Variants in CD2AP observed in about 807,000 individuals in gnomAD.
CD2AP encodes the protein CD2 associated protein.
A neutral mutation model predicts 85.1 loss-of-function variants in CD2AP; 46 were observed. That is an observed-to-expected ratio of 0.54 (90% CI 0.43 to 0.69). The LOEUF (loss-of-function observed/expected upper bound fraction) is 0.69, where lower values mean the gene tolerates loss of function less well. Among genes scored for constraint, CD2AP ranks in the 30% least tolerant of loss-of-function variants. The pLI is 0.00. For synonymous variants in CD2AP, 255 were observed against 252.9 expected (o/e 1.01, Z -0.08); for missense variants, 769 against 729.5 (o/e 1.05, Z -0.62).
chr6:47,532,376 TACACACACACACACACACACACAC>T (rs10522555), intron 2 of CD2AP, among the ~76,000 whole-genome samples: 62 of 142,036 alleles, frequency 4.4e-4, no homozygotes, highest in South Asian at 3.9e-3. Context: ...TATATATGTA[TACACACACACACACACACACACAC>T]ACACACACAC....
intron 5 of CD2AP, chr6:47,562,915 G>T (rs1767899773): frequency 1.5e-6 from 1 of 653,362 alleles, no homozygotes; most frequent in Non-Finnish European, 2.8e-6. Context: ...GACAGAGAGA[G>T]AAAACCCTAT....
At chr6:47,595,025 A>G (rs542650192) in intron 11 of CD2AP, among the ~76,000 whole-genome samples, 1 of 152,090 alleles carries the variant, frequency 6.6e-6, no homozygotes, top group African/African-American at 2.4e-5. Flanking sequence ...TTATTTTTGT[A>G]TATACGTCTT....
intron 5 of CD2AP, 45 bp downstream of exon 5, chr6:47,554,811 T>A: frequency 1.3e-6 from 2 of 1,491,988 alleles, no homozygotes; most frequent in Non-Finnish European, 1.8e-6. Context: ...ATAAACTTTA[T>A]ATAGCATCTA....
intron 17 of CD2AP, among the ~76,000 whole-genome samples, chr6:47,619,866 T>G (rs79191791): frequency 6.6e-6 from 1 of 152,258 alleles, no homozygotes; most frequent in Non-Finnish European, 1.5e-5. Context: ...TTTGCACATC[T>G]TCTTTTGAGG....
intron 7 of CD2AP, 148 bp from the exon 8 acceptor site, chr6:47,576,861 G>T: frequency 1.5e-6 from 1 of 653,612 alleles, no homozygotes; most frequent in East Asian, 2.7e-5. Context: ...TTAACATACG[G>T]TATTGACTAT....
rs1309453680 is a variant in CD2AP, at chr6:47,624,621, T to C, written c.*394T>C. On this transcript the variant is annotated 3_prime_UTR_variant, in exon 18 of 18. Transcript: ENST00000359314. ...AGATATACTATTTGAGAGGGACAGA[T>C]TAGCCTTTTAGTAACTATAGTCACT... 1 of 192,856 alleles carries C rather than the reference T, an allele frequency of 5.2e-6. No individual in the cohort carries two copies. The highest frequency in any genetic ancestry group is 2.4e-5 in the African/African-American group (1 of 41,798). The allele number at this position is 192,856 out of a possible 1,614,324, so 11.9% of individuals were successfully genotyped here.
Position 47,571,750 on chromosome 6 carries a change from G to T in CD2AP, c.542-2314G>T, listed in dbSNP as rs75556993. Reference sequence around the variant, plus strand: ...TTCTGGTATGCTTATACAAGGCCAAGAATTGAGTTCTTTCTCTCTAGATTT... The same window carrying T: ...TTCTGGTATGCTTATACAAGGCCAATAATTGAGTTCTTTCTCTCTAGATTT... On this transcript the variant is annotated intron_variant, in intron 5 of 17. Transcript: ENST00000359314. Among the ~76,000 whole-genome samples the T allele has an allele frequency of 4.3e-3, 655 of 152,246 alleles. 7 individuals carry two copies. The highest frequency in any genetic ancestry group is 0.015 in the African/African-American group (610 of 41,554).
intron 16 of CD2AP, 28 bp downstream of exon 16, chr6:47,609,332 G>C (rs1402854296): frequency 6.5e-7 from 1 of 1,526,760 alleles, no homozygotes; most frequent in Non-Finnish European, 9.1e-7. Context: ...TCTCCTGTGA[G>C]TACTACTTAA....
chr6:47,520,091 A>ATTTTTTTTT (rs535059637), intron 2 of CD2AP, among the ~76,000 whole-genome samples: 1 of 145,936 alleles, frequency 6.9e-6, no homozygotes. Flanking sequence ...TGTGGAAATG[A>ATTTTTTTTT]TTTTTTTTTT....
At chr6:47,507,638 G>A (rs1423527013) in intron 2 of CD2AP, among the ~76,000 whole-genome samples, 1 of 152,132 alleles carries the variant, frequency 6.6e-6, no homozygotes, top group Non-Finnish European at 1.5e-5. Flanking sequence ...GTAGAGATGG[G>A]CTTTCACTAT....
chr6:47,553,236 G>T (rs1407055410), intron 4 of CD2AP, among the ~76,000 whole-genome samples: 1 of 152,032 alleles, frequency 6.6e-6, no homozygotes, highest in African/African-American at 2.4e-5. Flanking sequence ...CCTTTTATGA[G>T]ATGGAAAACA....
At chr6:47,622,338 C>A (rs1240290046) in intron 17 of CD2AP, among the ~76,000 whole-genome samples, 1 of 152,136 alleles carries the variant, frequency 6.6e-6, no homozygotes, top group Non-Finnish European at 1.5e-5. Flanking sequence ...GCCGCCCTAC[C>A]CAGAGTTGTG....
chr6:47,503,777 C>T (rs1403979152), intron 2 of CD2AP, among the ~76,000 whole-genome samples: 1 of 152,096 alleles, frequency 6.6e-6, no homozygotes, highest in Admixed American at 6.5e-5. Context: ...CTCATTTGAG[C>T]CTACAGTATA....
chr6:47,604,804 T>G (rs1186672933), intron 13 of CD2AP, among the ~76,000 whole-genome samples: 3 of 152,058 alleles, frequency 2.0e-5, no homozygotes, highest in African/African-American at 7.2e-5. Flanking sequence ...TTATTTACAA[T>G]TATCAAAAGA....
chr6:47,520,040 C>A (rs959640624), intron 2 of CD2AP, among the ~76,000 whole-genome samples: 3 of 150,242 alleles, frequency 2.0e-5, no homozygotes, highest in Non-Finnish European at 4.4e-5. Context: ...TTTGTTAGGT[C>A]TTTTTTGTGG....
Position 47,518,518 on chromosome 6 carries a change from A to G in CD2AP, c.165+15078A>G, listed in dbSNP as rs905484950. Among the ~76,000 whole-genome samples the G allele has an allele frequency of 1.4e-4, 21 of 152,348 alleles. No individual in the cohort carries two copies. In the East Asian group the frequency reaches 3.5e-3, roughly 25 times the overall value. ...TGCTAAGAAGCATTCCATTTTATGT[A>G]TACCACAGTGTTTATCCTCTTTTTA... On this transcript the variant is annotated intron_variant, in intron 2 of 17. Coordinates refer to ENST00000359314, the MANE Select transcript of CD2AP (RefSeq NM_012120.3).
intron 1 of CD2AP, among the ~76,000 whole-genome samples, chr6:47,481,342 T>C (rs377712188): frequency 2.0e-5 from 3 of 152,112 alleles, no homozygotes; most frequent in Non-Finnish European, 4.4e-5. Context: ...GGTGGTGTTT[T>C]TTTGTTTGTT....
chr6:47,571,017 T>C (rs892485436), intron 5 of CD2AP, among the ~76,000 whole-genome samples: 2 of 152,122 alleles, frequency 1.3e-5, no homozygotes, highest in African/African-American at 4.8e-5. Context: ...CAAACCCCCT[T>C]CCCTGCCTTT....
chr6:47,565,614 T>G (rs185378462), intron 5 of CD2AP, among the ~76,000 whole-genome samples: 1 of 152,114 alleles, frequency 6.6e-6, no homozygotes, highest in Non-Finnish European at 1.5e-5. Flanking sequence ...CCCATCTGAG[T>G]TAAGGAGAAA....
Sources: allele counts gnomAD v4.1 joint callset (sites outside exome capture counted in the v4.1 genomes callset), GRCh38; gene constraint gnomAD v4.1.1; transcripts MANE v1.5; gene names NCBI Gene and HGNC (gene_info 2026-07-23, HGNC 2026-07-21).